Variants in SCG5 observed in about 807,000 individuals in gnomAD.
SCG5 encodes the protein neuroendocrine protein 7B2.
Under a neutral mutation model 25.7 loss-of-function variants are expected in SCG5, and 18 were observed. The ratio of observed to expected loss-of-function variants is 0.70; its 90% CI spans 0.48 to 1.04. The LOEUF is 1.04. Among genes scored for constraint, SCG5 ranks in the 50% least tolerant of loss-of-function variants. SCG5 has a pLI of 0.00. For synonymous variants in SCG5, 101 were observed against 91.7 expected, an observed-to-expected ratio of 1.10 and a Z score of -0.58; for missense variants, 206 against 259.8, an observed-to-expected ratio of 0.79 and a Z score of 1.42.
intron 2 of SCG5, among the ~76,000 whole-genome samples, chr15:32,657,552 G>C (rs1216916531): frequency 6.6e-6 from 1 of 152,016 alleles, no homozygotes; most frequent in African/African-American, 2.4e-5. Context: ...TAAAGTGAAG[G>C]AGACTATGAT....
chr15:32,642,883 C>G (rs970833251), intron 1 of SCG5, among the ~76,000 whole-genome samples: 5 of 152,274 alleles, frequency 3.3e-5, no homozygotes, highest in Admixed American at 1.3e-4. Context: ...TGTATTTGCA[C>G]ACACCCTCAC....
intron 2 of SCG5, among the ~76,000 whole-genome samples, chr15:32,672,157 C>G (rs2054437758): frequency 6.6e-6 from 1 of 152,250 alleles, no homozygotes; most frequent in African/African-American, 2.4e-5. Context: ...ACTGCTGGAC[C>G]CGTTCCCTTC....
At chr15:32,694,768 G>T (rs2054924545) in intron 5 of SCG5, among the ~76,000 whole-genome samples, 1 of 152,236 alleles carries the variant, frequency 6.6e-6, no homozygotes. Flanking sequence ...ATGCATCTTT[G>T]TAGAGTGAGT....
At position 32,694,302 on chromosome 15, in the gene SCG5, T is replaced by G. The variant is rs150486788; in HGVS notation, c.544-2212T>G. On this transcript the variant is annotated intron_variant, in intron 5 of 5. Transcript: ENST00000300175. ...TGGGCAGGACTTCTCCCATGAGAGA[T>G]AGATTCTCCTCAAAGTTGCAACCAA... Among the ~76,000 whole-genome samples, 732 of 152,362 alleles carry G rather than the reference T, an allele frequency of 4.8e-3. 3 individuals carry two copies. Among genetic ancestry groups the G allele is most frequent in the Non-Finnish European group, 4.9e-3 (332 of 68,036 alleles).
At chr15:32,696,358 C>A (rs1474726018) in intron 5 of SCG5, among the ~76,000 whole-genome samples, 156 bp from the exon 6 acceptor site, 2 of 152,156 alleles carry the variant, frequency 1.3e-5, no homozygotes, top group African/African-American at 4.8e-5. Flanking sequence ...ACCTCGTGAT[C>A]TGCCCACCTC....
intron 2 of SCG5, among the ~76,000 whole-genome samples, chr15:32,672,555 C>T (rs376992656): frequency 1.3e-5 from 2 of 152,236 alleles, no homozygotes; most frequent in East Asian, 3.9e-4. Flanking sequence ...TAGTCACTGA[C>T]ACCGGAGATC....
At chr15:32,661,778 A>C (rs946105197) in intron 2 of SCG5, among the ~76,000 whole-genome samples, 1 of 152,172 alleles carries the variant, frequency 6.6e-6, no homozygotes, top group Non-Finnish European at 1.5e-5. Context: ...TAAGGATGCT[A>C]TATGGATAAC....
intron 4 of SCG5, among the ~76,000 whole-genome samples, chr15:32,690,461 A>G (rs1326270536): frequency 1.3e-5 from 2 of 152,226 alleles, no homozygotes; most frequent in Non-Finnish European, 2.9e-5. Context: ...TCATTCCTCA[A>G]GGAAATGATC....
At chr15:32,691,927 C>T in intron 5 of SCG5, 164 bp downstream of exon 5, 1 of 1,462,728 alleles carries the variant, frequency 6.8e-7, no homozygotes, top group Non-Finnish European at 9.0e-7. Flanking sequence ...GAAAGTCTGT[C>T]CTTGGTTTCT....
chr15:32,658,160 TG>T (rs2054156859), intron 2 of SCG5, among the ~76,000 whole-genome samples: 1 of 152,122 alleles, frequency 6.6e-6, no homozygotes, highest in Non-Finnish European at 1.5e-5. Flanking sequence ...ATCCAGGGAA[TG>T]GCAAAGAGGA....
At chr15:32,696,181 G>T (rs897995429) in intron 5 of SCG5, among the ~76,000 whole-genome samples, 4 of 151,814 alleles carry the variant, frequency 2.6e-5, no homozygotes, top group Non-Finnish European at 5.9e-5. Flanking sequence ...GCAGTGGCAT[G>T]ACGTCTGCTC....
At chr15:32,696,222 A>G (rs1309977833) in intron 5 of SCG5, among the ~76,000 whole-genome samples, 2 of 151,800 alleles carry the variant, frequency 1.3e-5, no homozygotes, top group Non-Finnish European at 2.9e-5. Flanking sequence ...GGTTCACGCC[A>G]TTCTCCTGCC....
intron 2 of SCG5, among the ~76,000 whole-genome samples, chr15:32,674,818 C>T (rs1179345772): frequency 6.6e-6 from 1 of 152,190 alleles, no homozygotes; most frequent in Admixed American, 6.5e-5. Flanking sequence ...AGGCACATAG[C>T]AGAGGGTGAG....
At chr15:32,648,553 C>T (rs1299145360) in intron 2 of SCG5, among the ~76,000 whole-genome samples, 1 of 152,100 alleles carries the variant, frequency 6.6e-6, no homozygotes, top group African/African-American at 2.4e-5. Context: ...TCCACAGCTC[C>T]AGTCAATCGT....
At chr15:32,693,118 T>G (rs1255927463) in intron 5 of SCG5, among the ~76,000 whole-genome samples, 2 of 152,138 alleles carry the variant, frequency 1.3e-5, no homozygotes, top group Admixed American at 1.3e-4. Flanking sequence ...GGCTTGAATA[T>G]CTCCCTACAA....
chr15:32,659,260 G>A (rs1355870185), intron 2 of SCG5, among the ~76,000 whole-genome samples: 2 of 152,208 alleles, frequency 1.3e-5, no homozygotes, highest in South Asian at 4.1e-4. Context: ...TGCACAGCAT[G>A]TGCCGGATCA....
At chr15:32,675,248 A>G (rs1041191286) in intron 2 of SCG5, among the ~76,000 whole-genome samples, 1 of 152,220 alleles carries the variant, frequency 6.6e-6, no homozygotes, top group Non-Finnish European at 1.5e-5. Context: ...GCTGTAAGTG[A>G]AAGATCCTAT....
At chr15:32,656,508 G>A (rs1048950448) in intron 2 of SCG5, among the ~76,000 whole-genome samples, 16 of 152,298 alleles carry the variant, frequency 1.1e-4, no homozygotes, top group African/African-American at 1.2e-4. Flanking sequence ...CAATCACACC[G>A]CTTAAGCTTT....
At chr15:32,676,310 G>A (rs954508236) in intron 2 of SCG5, among the ~76,000 whole-genome samples, 1 of 152,134 alleles carries the variant, frequency 6.6e-6, no homozygotes. Context: ...CATTTTAATG[G>A]CACTGGTGCA....
Sources: gnomAD v4.1 joint callset for allele counts (sites outside exome capture counted in the v4.1 genomes callset) on GRCh38, gnomAD v4.1.1 for gene constraint, MANE v1.5 for transcripts, NCBI Gene and HGNC (gene_info 2026-07-23, HGNC 2026-07-21) for gene names.